NDST4: variants seen among roughly 807,000 people sequenced by gnomAD.
NDST4 encodes N-deacetylase and N-sulfotransferase 4.
A neutral mutation model predicts 100.8 loss-of-function variants in NDST4; 63 were observed. The ratio of observed to expected loss-of-function variants is 0.62; its 90% CI spans 0.51 to 0.77. The LOEUF is 0.77. Among genes scored for constraint, NDST4 ranks in the 30% least tolerant of loss-of-function variants. The pLI is 0.00. For synonymous variants in NDST4, 377 were observed against 361.8 expected, an observed-to-expected ratio of 1.04 and a Z score of -0.48; for missense variants, 943 against 1,018.4, an observed-to-expected ratio of 0.93 and a Z score of 1.01.
chr4:114,995,570 C>T (rs2126253571), intron 2 of NDST4, among the ~76,000 whole-genome samples: 1 of 152,124 alleles, frequency 6.6e-6, no homozygotes, highest in South Asian at 2.1e-4. Flanking sequence ...TCCATTCAGA[C>T]CATCAAATAT....
chr4:115,104,737 T>C (rs1238038774), intron 1 of NDST4, among the ~76,000 whole-genome samples: 2 of 152,100 alleles, frequency 1.3e-5, no homozygotes, highest in East Asian at 1.9e-4. Flanking sequence ...TATTAAAATA[T>C]ATGATCAACA....
At chr4:115,053,971 A>C (rs1728640527) in intron 2 of NDST4, among the ~76,000 whole-genome samples, 1 of 152,080 alleles carries the variant, frequency 6.6e-6, no homozygotes, top group Non-Finnish European at 1.5e-5. Context: ...ATGGATCTTA[A>C]TCACTTTGGC....
chr4:114,926,146 G>C (rs932200927), intron 6 of NDST4, among the ~76,000 whole-genome samples: 1 of 152,100 alleles, frequency 6.6e-6, no homozygotes, highest in Non-Finnish European at 1.5e-5. Flanking sequence ...GTTAGTATTT[G>C]ACAAGTGTGG....
chr4:114,952,678 G>A (rs532797079), intron 4 of NDST4, among the ~76,000 whole-genome samples: 1 of 152,088 alleles, frequency 6.6e-6, no homozygotes, highest in Non-Finnish European at 1.5e-5. Context: ...GAGAACCTTG[G>A]AGACTGCTAG....
chr4:114,865,835 C>T (rs115360407), intron 7 of NDST4, among the ~76,000 whole-genome samples: 208 of 152,068 alleles, frequency 1.4e-3, no homozygotes, highest in African/African-American at 4.6e-3. Context: ...GACTGACAGC[C>T]TCATATAATC....
At chr4:115,065,362 A>G (rs1728925297) in intron 2 of NDST4, among the ~76,000 whole-genome samples, 1 of 152,100 alleles carries the variant, frequency 6.6e-6, no homozygotes, top group South Asian at 2.1e-4. Context: ...TAAGATTCAA[A>G]CTCAAGCCAA....
At chr4:115,055,950 A>G (rs1728684601) in intron 2 of NDST4, among the ~76,000 whole-genome samples, 1 of 152,150 alleles carries the variant, frequency 6.6e-6, no homozygotes, top group Non-Finnish European at 1.5e-5. Context: ...TTAAATTATC[A>G]CTGTGTGTCA....
intron 1 of NDST4, among the ~76,000 whole-genome samples, chr4:115,099,932 G>A (rs1341036101): frequency 6.6e-6 from 1 of 152,060 alleles, no homozygotes; most frequent in Non-Finnish European, 1.5e-5. Flanking sequence ...AAAAGTGAAT[G>A]AATAAATAAG....
At chr4:114,913,813 A>T (rs1312849230) in intron 6 of NDST4, among the ~76,000 whole-genome samples, 1 of 151,384 alleles carries the variant, frequency 6.6e-6, no homozygotes, top group Non-Finnish European at 1.5e-5. Context: ...ATGCATTGGT[A>T]TAGTAGGAAT....
chr4:115,005,740 A>T (rs1399240333), intron 2 of NDST4, among the ~76,000 whole-genome samples: 1 of 152,136 alleles, frequency 6.6e-6, no homozygotes, highest in Non-Finnish European at 1.5e-5. Flanking sequence ...AGTACAAGTT[A>T]GCTGGATAAG....
intron 2 of NDST4, among the ~76,000 whole-genome samples, chr4:115,014,052 G>A (rs1316605059): frequency 6.6e-6 from 1 of 152,050 alleles, no homozygotes; most frequent in Non-Finnish European, 1.5e-5. Flanking sequence ...TGCTGTATCA[G>A]ATGTGGTTTT....
At chr4:114,954,773 T>C (rs574857090) in intron 4 of NDST4, among the ~76,000 whole-genome samples, 51 of 152,312 alleles carry the variant, frequency 3.3e-4, no homozygotes, top group African/African-American at 1.2e-3. Context: ...TGAAGCCTGG[T>C]AGGAGGTGAT....
chr4:115,021,990 T>C (rs1397776711), intron 2 of NDST4, among the ~76,000 whole-genome samples: 2 of 152,028 alleles, frequency 1.3e-5, no homozygotes, highest in African/African-American at 4.8e-5. Context: ...TCCATATCTC[T>C]ATATATTCCA....
At chr4:114,975,916 G>T (rs1726623570) in intron 3 of NDST4, among the ~76,000 whole-genome samples, 1 of 152,050 alleles carries the variant, frequency 6.6e-6, no homozygotes, top group African/African-American at 2.4e-5. Context: ...ATTGCAAGCT[G>T]AAATTGCTTT....
intron 1 of NDST4, among the ~76,000 whole-genome samples, chr4:115,112,882 C>T (rs890844097): frequency 2.6e-4 from 40 of 151,818 alleles, no homozygotes; most frequent in African/African-American, 8.5e-4. Context: ...AGGAAAGCAC[C>T]TATTTCTTTA....
intron 1 of NDST4, among the ~76,000 whole-genome samples, chr4:115,084,148 G>A (rs529299153): frequency 1.9e-4 from 29 of 152,304 alleles, no homozygotes; most frequent in African/African-American, 6.5e-4. Flanking sequence ...AGGCTGAGGT[G>A]ATCTCAGATG....
intron 2 of NDST4, among the ~76,000 whole-genome samples, chr4:115,052,992 A>C (rs1335515597): frequency 6.6e-6 from 1 of 152,186 alleles, no homozygotes; most frequent in African/African-American, 2.4e-5. Flanking sequence ...TTTTTTCTCA[A>C]AATTTTATTT....
intron 3 of NDST4, 64 bp downstream of exon 3, chr4:114,977,123 G>T: frequency 1.9e-6 from 2 of 1,059,092 alleles, no homozygotes; most frequent in Non-Finnish European, 2.8e-6. Flanking sequence ...TACCACTTAT[G>T]AATCATTCAA....
intron 8 of NDST4, among the ~76,000 whole-genome samples, chr4:114,852,018 C>T (rs1382611123): frequency 6.6e-6 from 1 of 152,230 alleles, no homozygotes; most frequent in East Asian, 1.9e-4. Context: ...CTCAATAAAA[C>T]TTTAATTAAT....
Sources: allele counts gnomAD v4.1 joint callset (sites outside exome capture counted in the v4.1 genomes callset), GRCh38; gene constraint gnomAD v4.1.1; transcripts MANE v1.5; gene names NCBI Gene and HGNC (gene_info 2026-07-23, HGNC 2026-07-21).